RAPGEF3: variants seen among roughly 807,000 people sequenced by gnomAD.
RAPGEF3 encodes the protein Rap guanine nucleotide exchange factor 3, also known as 9330170P05Rik.
A neutral mutation model predicts 129.8 loss-of-function variants in RAPGEF3; 103 were observed. The ratio of observed to expected loss-of-function variants is 0.79; its 90% confidence interval spans 0.68 to 0.93. The LOEUF is 0.93. Among genes scored for constraint, RAPGEF3 ranks in the 40% least tolerant of loss-of-function variants. The pLI is 0.00. For synonymous variants in RAPGEF3, 436 were observed against 482.6 expected (o/e 0.90, Z 1.26); for missense variants, 1,117 against 1,207.4 (o/e 0.93, Z 1.11).
intron 27 of RAPGEF3, 94 bp from the exon 28 acceptor site, chr12:47,737,779 C>A: frequency 8.1e-7 from 1 of 1,236,816 alleles, no homozygotes; most frequent in Non-Finnish European, 1.2e-6. Context: ...GCCTTCTTGC[C>A]CTCCACCACC....
intron 2 of RAPGEF3, 138 bp downstream of exon 2, chr12:47,757,728 G>A: frequency 1.3e-6 from 1 of 795,020 alleles, no homozygotes; most frequent in South Asian, 1.8e-5. Flanking sequence ...CAAGCTTCCT[G>A]ACCCAGTGTC....
At chr12:47,747,386 G>A (rs1046252681) in intron 15 of RAPGEF3, among the ~76,000 whole-genome samples, 158 bp downstream of exon 15, 1 of 152,226 alleles carries the variant, frequency 6.6e-6, no homozygotes. Flanking sequence ...GACATGTGGT[G>A]TGAGGGTGAA....
In RAPGEF3 at chr12:47,740,677, G is replaced by A. The variant is rs2136742469; in HGVS notation, c.2196C>T (p.Ala732=). ...LCLCPVPGPR[A]QLLRKFIKLA... ...GCTTAATGAACTTCCTGAGCAGCTG[G>A]GCCCGGGGGCCGGGCACGGGGCAGA... The change falls in exon 21 of 28, where the codon GCC becomes GCT. Residue 732 remains alanine, a synonymous_variant. Coordinates refer to ENST00000449771, the MANE Select transcript of RAPGEF3 (RefSeq NM_001098531.4). The A allele has an allele frequency of 6.2e-7, 1 of 1,613,842 alleles. No individual in the cohort carries two copies. The highest frequency in any genetic ancestry group is 1.3e-5 in the African/African-American group (1 of 75,070).
intron 18 of RAPGEF3, among the ~76,000 whole-genome samples, chr12:47,743,243 T>C (rs989598146): frequency 1.3e-5 from 2 of 152,240 alleles, no homozygotes; most frequent in Non-Finnish European, 2.9e-5. Context: ...ATTTTATGGA[T>C]GATAAAACTG....
chr12:47,735,800 G>C lies in RAPGEF3; in HGVS notation c.*1767C>G, dbSNP rs1940781307. 1 of 152,558 alleles carries C rather than the reference G, an allele frequency of 6.6e-6. No individual in the cohort carries two copies. Among genetic ancestry groups the C allele is most frequent in the Non-Finnish European group, 1.5e-5 (1 of 68,338 alleles). 9.5% of individuals were successfully genotyped at this position (152,558 alleles called of 1,614,324 possible). On this transcript the variant is annotated 3_prime_UTR_variant, in exon 28 of 28. Transcript: ENST00000449771. ...GGCCACGGCTGGCTGGCTGGCTTTT[G>C]CCGAGACACCAGCAGACAATGGGTT...
intron 2 of RAPGEF3, 79 bp from the exon 3 acceptor site, chr12:47,752,048 C>T (rs530056278): frequency 5.4e-6 from 8 of 1,491,942 alleles, no homozygotes; most frequent in Admixed American, 3.6e-5. Flanking sequence ...TCCCCCATCA[C>T]TCCCACTCTT....
chr12:47,739,622 T>C (rs1173634745), intron 23 of RAPGEF3: 3 of 414,096 alleles, frequency 7.2e-6, no homozygotes, highest in Admixed American at 3.6e-5. Flanking sequence ...ATGAAGTACC[T>C]CTTCTCTGCT....
At chr12:47,748,774 T>C (rs961310257) in intron 11 of RAPGEF3, 45 bp downstream of exon 11, 3 of 1,398,720 alleles carry the variant, frequency 2.1e-6, no homozygotes, top group Non-Finnish European at 3.0e-6. Flanking sequence ...GATTGGGAAA[T>C]GAAAGGAGGG....
intron 23 of RAPGEF3, chr12:47,739,494 C>G (rs1203958182): frequency 1.5e-6 from 1 of 663,268 alleles, no homozygotes; most frequent in Non-Finnish European, 2.7e-6. Flanking sequence ...CCTCTCTGTC[C>G]CTTTCTATCC....
In RAPGEF3 at chr12:47,751,190, G is replaced by A. The variant is rs770886555; in HGVS notation, c.529C>T (p.Arg177Ter). 10 of 1,552,528 alleles carry A rather than the reference G, an allele frequency of 6.4e-6. No homozygotes were observed. The highest frequency in any genetic ancestry group is 4.8e-5 in the South Asian group (4 of 84,208). Residue 177 changes from arginine (R) to a stop codon, truncating the protein, a stop_gained, in exon 6 of 28, where the codon CGA (arginine) becomes TGA (stop). Transcript: ENST00000449771. LOFTEE classifies it high-confidence loss of function. The stretch of plus-strand genomic sequence containing the variant: ...GGGAACCGGTAGAATTGGGCATCTC[G>A]GTCCTGGAAGGCCCAGTCGTGTTTC... The part of the protein sequence containing the change: ...HVKHDWAFQD[R>*]DAQFYRFPGP...
rs763918657 is a variant in RAPGEF3 at position 47,757,896 on chromosome 12, C to T, written c.189G>A (p.Gln63=). 29 of 1,556,446 alleles carry T rather than the reference C, an allele frequency of 1.9e-5. No homozygotes were observed. Among genetic ancestry groups the T allele is most frequent in the Non-Finnish European group, 2.5e-5 (29 of 1,150,158 alleles). Residue 63 remains glutamine, a synonymous_variant, in exon 2 of 28, where the codon CAG becomes CAA. Coordinates refer to ENST00000449771, the MANE Select transcript of RAPGEF3 (RefSeq NM_001098531.4). ...SCSYQLLLEH[Q]RPSCIQGLRW... is the part of the protein sequence containing the mutation. ...GCAGCCCCTGGATGCAGCTCGGACGCTGGTGCTCCAGCAGCAGCTGGTAGG... is the reference window on the plus strand; with the variant it reads ...GCAGCCCCTGGATGCAGCTCGGACGTTGGTGCTCCAGCAGCAGCTGGTAGG...
At chr12:47,753,318 TACACCC>T (rs1451682914) in intron 2 of RAPGEF3, among the ~76,000 whole-genome samples, 3 of 152,162 alleles carry the variant, frequency 2.0e-5, no homozygotes. Context: ...TCAGTCTCCC[TACACCC>T]ACCCCACCTG....
At chr12:47,739,323 G>T in intron 23 of RAPGEF3, 93 bp from the exon 24 acceptor site, 2 of 1,003,590 alleles carry the variant, frequency 2.0e-6, no homozygotes, top group Non-Finnish European at 3.1e-6. Flanking sequence ...CCATCCCACA[G>T]CAGGTGCAGA....
intron 2 of RAPGEF3, chr12:47,755,696 G>A (rs748803252): frequency 1.3e-5 from 2 of 152,168 alleles, no homozygotes; most frequent in Non-Finnish European, 2.9e-5. Context: ...TCTTGTCCTG[G>A]TCTAGGTAGG....
At chr12:47,757,376 G>A (rs1942136311) in intron 2 of RAPGEF3, among the ~76,000 whole-genome samples, 1 of 152,068 alleles carries the variant, frequency 6.6e-6, no homozygotes, top group Non-Finnish European at 1.5e-5. Flanking sequence ...GCCCCCCAAA[G>A]GCAGGTACCA....
Position 47,737,481 on chromosome 12 carries a change from G to T in RAPGEF3, c.*86C>A. 1 of 1,237,620 alleles carries T rather than the reference G, an allele frequency of 8.1e-7. No individual in the cohort carries two copies. The highest frequency in any genetic ancestry group is 1.1e-6 in the Non-Finnish European group (1 of 872,412). 76.7% of individuals were successfully genotyped at this position (1,237,620 alleles called of 1,614,324 possible). A position where few individuals can be genotyped will look rare whatever the true frequency, so the allele number is the denominator to read the frequency against. On this transcript the variant is annotated 3_prime_UTR_variant, in exon 28 of 28. Coordinates refer to ENST00000449771, the MANE Select transcript of RAPGEF3 (RefSeq NM_001098531.4). ...ACTCCACGGAGAGCCTTGCCCAGCT[G>T]TGGCCAGCCTGTGAGTATCTTGGCC...
intron 22 of RAPGEF3, 51 bp from the exon 23 acceptor site, chr12:47,740,242 T>A: frequency 1.2e-6 from 2 of 1,612,012 alleles, no homozygotes; most frequent in Non-Finnish European, 1.7e-6. Flanking sequence ...CCCAGCCCCA[T>A]CCAGCACTCC....
In RAPGEF3 at chr12:47,748,067, A is replaced by C. The variant is rs544233240; in HGVS notation, c.1322+7T>G. ...TGCACACCATCCCCCTGGAGCTGGA[A>C]GGATATTGGTGCAGAAGGGCAGCGC... is the stretch of plus-strand genomic sequence containing the variant. On this transcript the variant is annotated splice_region_variant and intron_variant, in intron 13 of 27. Transcript: ENST00000449771. The C allele has an allele frequency of 1.7e-4, 272 of 1,576,882 alleles. 1 individual carries two copies. Among genetic ancestry groups the C allele is most frequent in the Non-Finnish European group, 2.2e-4 (258 of 1,159,232 alleles).
In RAPGEF3 at chr12:47,749,255, A is replaced by T. The variant is rs1231798874; in HGVS notation, c.1041+135T>A. On this transcript the variant is annotated intron_variant, in intron 10 of 27. Coordinates refer to ENST00000449771, the MANE Select transcript of RAPGEF3 (RefSeq NM_001098531.4). The surrounding 1 kb of genome is among the most constrained non-coding windows in gnomAD (Gnocchi z 4.5). Reference sequence around the variant, plus strand: ...CACACACACCCAGGGCTATGGTCCCACTGCCAGCTGTCATAGCCCAGCATC... The same window carrying T: ...CACACACACCCAGGGCTATGGTCCCTCTGCCAGCTGTCATAGCCCAGCATC... 1 of 1,119,730 alleles carries T rather than the reference A, an allele frequency of 8.9e-7. No individual in the cohort carries two copies. Among genetic ancestry groups the T allele is most frequent in the Non-Finnish European group, 1.3e-6 (1 of 760,802 alleles). The allele number at this position is 1,119,730 out of a possible 1,614,324, so 69.4% of individuals were successfully genotyped here. A position where few individuals can be genotyped will look rare whatever the true frequency, so the allele number is the denominator to read the frequency against.
Sources: gnomAD v4.1 joint callset for allele counts (sites outside exome capture counted in the v4.1 genomes callset) on GRCh38, gnomAD v4.1.1 for gene constraint, Gnocchi (gnomAD v3.1) non-coding constraint, MANE v1.5 for transcripts, NCBI Gene and HGNC (gene_info 2026-07-23, HGNC 2026-07-21) for gene names.